JARID2: variants seen among roughly 807,000 people sequenced by gnomAD.
The protein encoded by JARID2 is jumonji and AT-rich interaction domain containing 2.
JARID2 carries 21 observed loss-of-function variants against 125.6 expected under a neutral mutation model. The ratio of observed to expected loss-of-function variants is 0.17; its 90% CI spans 0.12 to 0.24. JARID2 has a LOEUF of 0.24. Among genes scored for constraint, JARID2 ranks in the 10% least tolerant of loss-of-function variants. The pLI, the probability that JARID2 is intolerant of heterozygous loss-of-function variation, is 1.00. For synonymous variants in JARID2, 736 were observed against 661.6 expected, an observed-to-expected ratio of 1.11 and a Z score of -1.73; for missense variants, 1,303 against 1,639.6, an observed-to-expected ratio of 0.79 and a Z score of 3.55.
Position 15,254,750 on chromosome 6 carries a change from A to T in JARID2, c.45+8166A>T, listed in dbSNP as rs191197509. 3.0e-3 allele frequency among the ~76,000 whole-genome samples: 452 copies of T among 152,292 alleles called. 3 individuals are homozygous for T. Among genetic ancestry groups the T allele is most frequent in the African/African-American group, 0.011 (438 of 41,554 alleles). On this transcript the variant is annotated intron_variant, in intron 1 of 17. Transcript: ENST00000341776. ...CTCCTAGAAGGTTAACAAAATACATAGCCACAGGGCCGGGCGCGGTGGCTC... is the reference window on the plus strand; with the variant it reads ...CTCCTAGAAGGTTAACAAAATACATTGCCACAGGGCCGGGCGCGGTGGCTC...
intron 2 of JARID2, among the ~76,000 whole-genome samples, chr6:15,400,136 C>T (rs1194128493): frequency 2.0e-5 from 3 of 152,142 alleles, no homozygotes; most frequent in African/African-American, 7.2e-5. Context: ...GAGAAAACAG[C>T]TTCTGTTTGA....
At chr6:15,321,085 A>G (rs917944484) in intron 1 of JARID2, among the ~76,000 whole-genome samples, 2 of 152,164 alleles carry the variant, frequency 1.3e-5, no homozygotes, top group South Asian at 2.1e-4. Context: ...TGAAAATGCC[A>G]GGAACTTAAA....
chr6:15,413,752 A>C (rs566017547), intron 3 of JARID2, among the ~76,000 whole-genome samples: 4 of 152,200 alleles, frequency 2.6e-5, no homozygotes, highest in Non-Finnish European at 5.9e-5. Context: ...GACTACAGTC[A>C]GTCACATGCC....
Position 15,412,116 on chromosome 6 carries a change from T to C in JARID2, c.323+1751T>C, listed in dbSNP as rs111409451. On this transcript the variant is annotated intron_variant, in intron 3 of 17. Transcript: ENST00000341776. ...TTGGCAAATCGTTTTTAATTATTAA[T>C]GTGTCAAGTATCTTACTGAATTAAG... 2.2e-3 allele frequency among the ~76,000 whole-genome samples: 337 copies of C among 152,314 alleles called. 2 individuals are homozygous for C. The highest frequency in any genetic ancestry group is 4.0e-3 in the Non-Finnish European group (272 of 68,024).
At chr6:15,421,859 T>G (rs1305634347) in intron 3 of JARID2, among the ~76,000 whole-genome samples, 1 of 152,184 alleles carries the variant, frequency 6.6e-6, no homozygotes, top group East Asian at 1.9e-4. Context: ...CAGTTTGAAC[T>G]GGGGTCTGGC....
In JARID2 at chr6:15,511,185, G is replaced by C. The variant is rs569152469; in HGVS notation, c.2847-111G>C. 1.1e-4 allele frequency: 80 copies of C among 712,618 alleles called. No homozygotes were observed. In the African/African-American group the frequency reaches 1.4e-3, roughly 12 times the overall value. The allele number at this position is 712,618 out of a possible 1,614,324, so 44.1% of individuals were successfully genotyped here. On this transcript the variant is annotated intron_variant, in intron 12 of 17. Coordinates refer to ENST00000341776, the MANE Select transcript of JARID2 (RefSeq NM_004973.4). ...CCAGTGCGCCATCCCTGCCGGCGTGGAGCAGAGCCTCTCGTGTGCTCGGGT... is the reference window on the plus strand; with the variant it reads ...CCAGTGCGCCATCCCTGCCGGCGTGCAGCAGAGCCTCTCGTGTGCTCGGGT...
intron 16 of JARID2, among the ~76,000 whole-genome samples, chr6:15,513,839 C>T (rs1437154325): frequency 6.6e-6 from 1 of 152,246 alleles, no homozygotes; most frequent in Non-Finnish European, 1.5e-5. Context: ...GCACCTGGGC[C>T]CATGGCCTCT....
intron 2 of JARID2, among the ~76,000 whole-genome samples, chr6:15,398,707 C>T (rs546026484): frequency 1.4e-4 from 21 of 152,278 alleles, no homozygotes; most frequent in East Asian, 5.8e-4. Flanking sequence ...TTTAAATACC[C>T]GTTTCTCTTT....
intron 1 of JARID2, among the ~76,000 whole-genome samples, chr6:15,312,889 C>G (rs942146522): frequency 2.0e-5 from 3 of 152,162 alleles, no homozygotes; most frequent in African/African-American, 7.2e-5. Flanking sequence ...CTGCCCTTAC[C>G]TTTACCCCTC....
At chr6:15,292,035 T>C (rs1395009837) in intron 1 of JARID2, among the ~76,000 whole-genome samples, 1 of 152,178 alleles carries the variant, frequency 6.6e-6, no homozygotes, top group Non-Finnish European at 1.5e-5. Flanking sequence ...ATTAGGCTTT[T>C]TTTTTGAGTC....
At chr6:15,395,979 A>G (rs1010087619) in intron 2 of JARID2, among the ~76,000 whole-genome samples, 4 of 152,150 alleles carry the variant, frequency 2.6e-5, no homozygotes, top group Admixed American at 6.5e-5. Flanking sequence ...CTTTTAATAT[A>G]CAGTTTTCCT....
rs368410667 is a variant in JARID2 at position 15,416,531 on chromosome 6, T to C, written c.323+6166T>C. On this transcript the variant is annotated intron_variant, in intron 3 of 17. Transcript: ENST00000341776. ...CGAAACCCCGTCTCCACCAAAAAAA[T>C]ACGAAAACCAGTCAGGCGTGGTGGC... Among the ~76,000 whole-genome samples the C allele has an allele frequency of 6.7e-3, 1,011 of 151,850 alleles. 14 individuals carry two copies. The highest frequency in any genetic ancestry group is 0.05 in the South Asian group (239 of 4,782).
rs1418052568 is a variant in JARID2 at position 15,305,764 on chromosome 6, C to CT, written c.45+59181dup. ...TCTCTTTGGAGCACCCCTCCAATAT[C>CT]TAATTGTTAACATTCTGTGTGTGAG... On this transcript the variant is annotated intron_variant, in intron 1 of 17. Transcript: ENST00000341776. 2.0e-5 allele frequency among the ~76,000 whole-genome samples: 3 copies of CT among 152,132 alleles called. No homozygotes were observed. The South Asian group carries it at 6.2e-4, about 31-fold the overall frequency.
chr6:15,408,324 T>C (rs1765734160), intron 2 of JARID2, among the ~76,000 whole-genome samples: 1 of 152,220 alleles, frequency 6.6e-6, no homozygotes, highest in Admixed American at 6.5e-5. Context: ...TTTTTTCCTT[T>C]TCAGTTTTAC....
At chr6:15,383,270 G>A (rs1395639278) in intron 2 of JARID2, among the ~76,000 whole-genome samples, 1 of 151,536 alleles carries the variant, frequency 6.6e-6, no homozygotes, top group Non-Finnish European at 1.5e-5. Flanking sequence ...GAGACACTGG[G>A]ACTACTGGCA....
chr6:15,279,787 C>T (rs754564001), intron 1 of JARID2, among the ~76,000 whole-genome samples: 8 of 152,070 alleles, frequency 5.3e-5, no homozygotes, highest in Non-Finnish European at 8.8e-5. Context: ...TCTCATTAGC[C>T]CCTATCGTCT....
intron 1 of JARID2, among the ~76,000 whole-genome samples, chr6:15,279,835 C>T (rs1373809144): frequency 6.6e-6 from 1 of 152,144 alleles, no homozygotes; most frequent in Non-Finnish European, 1.5e-5. Context: ...TTACCTAAGA[C>T]CCTTCATTAA....
At chr6:15,345,369 C>G (rs1380756367) in intron 1 of JARID2, among the ~76,000 whole-genome samples, 1 of 152,160 alleles carries the variant, frequency 6.6e-6, no homozygotes, top group Admixed American at 6.5e-5. Context: ...GATCTGCTGT[C>G]AATTACGAGT....
rs1356170241 is a variant in JARID2, at chr6:15,521,255, G to C, written c.*1004G>C. The C allele has an allele frequency of 6.6e-6, 1 of 152,250 alleles. No homozygotes were observed. Among genetic ancestry groups the C allele is most frequent in the Admixed American group, 6.5e-5 (1 of 15,270 alleles). 9.4% of individuals were successfully genotyped at this position (152,250 alleles called of 1,614,324 possible). On this transcript the variant is annotated 3_prime_UTR_variant, in exon 18 of 18. Transcript: ENST00000341776. ...TTTATGATCATGTAGAGAGCCACTA[G>C]GAGGCCTGCAGTTATTTTTGAATGT...
Sources: gnomAD v4.1 joint callset for allele counts (sites outside exome capture counted in the v4.1 genomes callset) on GRCh38, gnomAD v4.1.1 for gene constraint, MANE v1.5 for transcripts, NCBI Gene and HGNC (gene_info 2026-07-23, HGNC 2026-07-21) for gene names.